The following WNK3 variants were observed in gnomAD, a reference collection of about 807,000 sequenced individuals.
WNK3 encodes serine/threonine-protein kinase WNK3.
Under a neutral mutation model 116.7 loss-of-function variants are expected in WNK3, and 18 were observed. The ratio of observed to expected loss-of-function variants is 0.15; its 90% CI spans 0.11 to 0.23. WNK3 has a LOEUF of 0.23. WNK3 is among the 10% of genes least tolerant of loss of function. The pLI is 1.00. For synonymous variants in WNK3, 404 were observed against 469.4 expected, an observed-to-expected ratio of 0.86 and a Z score of 1.80; for missense variants, 993 against 1,323.8, an observed-to-expected ratio of 0.75 and a Z score of 3.88.
chrX:54,352,567 C>A (rs2147348589), intron 1 of WNK3, among the ~76,000 whole-genome samples: 1 of 111,300 alleles, frequency 9.0e-6, no homozygotes, highest in East Asian at 2.8e-4. Context: ...ATAGTCCCAG[C>A]TACTCAGGAG....
chrX:54,213,553 C>CAAAAAAAAAAAAAAAA (rs782580375), intron 22 of WNK3, among the ~76,000 whole-genome samples: 5 of 14,257 alleles, frequency 3.5e-4, no homozygotes, highest in East Asian at 1.4e-3. Context: ...GACTCCGTCT[C>CAAAAAAAAAAAAAAAA]AAAAAAAAAA....
chrX:54,247,127 AAAG>A (rs1244737914), intron 17 of WNK3, among the ~76,000 whole-genome samples: 5 of 111,451 alleles, frequency 4.5e-5, no homozygotes, highest in Non-Finnish European at 7.5e-5. Flanking sequence ...TTAGGGGAAA[AAAG>A]AAGAATTCCA....
chrX:54,235,487 A>G (rs1033580122), intron 20 of WNK3, among the ~76,000 whole-genome samples: 1 of 110,959 alleles, frequency 9.0e-6, no homozygotes, highest in African/African-American at 3.3e-5. Context: ...GGGTTTTGCC[A>G]TGTTGGCCAG....
chrX:54,211,924 CA>C (rs782076963), intron 22 of WNK3, among the ~76,000 whole-genome samples: 17 of 105,020 alleles, frequency 1.6e-4, no homozygotes, highest in Non-Finnish European at 2.8e-4. Context: ...ATTTAGAACT[CA>C]AAAAAAAAAG....
chrX:54,210,141 G>A (rs1348384637), intron 22 of WNK3, among the ~76,000 whole-genome samples: 15 of 111,840 alleles, frequency 1.3e-4, no homozygotes, highest in African/African-American at 4.9e-4. Context: ...TTTTGAAAGA[G>A]CACTATTGGA....
At chrX:54,324,833 T>C (rs782009690) in intron 2 of WNK3, among the ~76,000 whole-genome samples, 2 of 112,820 alleles carry the variant, frequency 1.8e-5, no homozygotes, top group African/African-American at 6.4e-5. Flanking sequence ...AACAACTATA[T>C]TCAGAAACAG....
intron 3 of WNK3, among the ~76,000 whole-genome samples, chrX:54,310,557 TAATAA>T (rs1303174193): frequency 4.8e-5 from 5 of 104,645 alleles, no homozygotes; most frequent in African/African-American, 1.5e-4. Flanking sequence ...TCCCAAAAAA[TAATAA>T]AATAAAATAA....
At chrX:54,239,266 G>A (rs1208309415) in intron 17 of WNK3, among the ~76,000 whole-genome samples, 167 bp from the exon 18 acceptor site, 1 of 108,193 alleles carries the variant, frequency 9.2e-6, no homozygotes, top group Non-Finnish European at 1.9e-5. Flanking sequence ...AGAGTATTAC[G>A]TATATAGTTG....
At chrX:54,236,136 C>A (rs782517731) in intron 20 of WNK3, among the ~76,000 whole-genome samples, 2 of 111,002 alleles carry the variant, frequency 1.8e-5, no homozygotes, top group South Asian at 3.8e-4. Flanking sequence ...TAGACGGAGT[C>A]TTGCTCTGTT....
At chrX:54,218,765 T>G (rs2067728585) in intron 22 of WNK3, among the ~76,000 whole-genome samples, 1 of 109,344 alleles carries the variant, frequency 9.1e-6, no homozygotes, top group Non-Finnish European at 1.9e-5. Context: ...GCGTCTGTAA[T>G]CCCAGCTACC....
intron 22 of WNK3, among the ~76,000 whole-genome samples, chrX:54,227,213 C>CT (rs782428791): frequency 1.6e-4 from 18 of 110,856 alleles, no homozygotes; most frequent in African/African-American, 5.6e-4. Flanking sequence ...ATTTTTTTTT[C>CT]TTTTTTTCGC....
rs367915544 is a variant in WNK3, at chrX:54,251,515, T to G, written c.2523+17A>C. The G allele has an allele frequency of 1.2e-5, 14 of 1,205,291 alleles. No homozygotes were observed. In the African/African-American group the frequency reaches 2.5e-4, roughly 21 times the overall value. On this transcript the variant is annotated intron_variant, in intron 14 of 23. Transcript: ENST00000354646. ...TTCATATCTGAGAAGATCTGTTTGCTAAACAATTGTTCTCACCTGGCTACT... is the reference window on the plus strand; with the variant it reads ...TTCATATCTGAGAAGATCTGTTTGCGAAACAATTGTTCTCACCTGGCTACT...
intron 6 of WNK3, among the ~76,000 whole-genome samples, chrX:54,298,992 ACT>A (rs1266773804): frequency 1.8e-5 from 2 of 112,019 alleles, no homozygotes; most frequent in African/African-American, 3.2e-5. Context: ...TTCGTATTTA[ACT>A]CTGGTTTTAG....
At chrX:54,308,991 G>C (rs1557169200) in intron 4 of WNK3, 104 bp downstream of exon 4, 4 of 627,383 alleles carry the variant, frequency 6.4e-6, no homozygotes. Context: ...CAGGCAGTGA[G>C]CCACATTCAT....
At chrX:54,288,340 G>A (rs1410207647) in intron 10 of WNK3, among the ~76,000 whole-genome samples, 1 of 111,534 alleles carries the variant, frequency 9.0e-6, no homozygotes, top group South Asian at 3.8e-4. Context: ...ACTTGCTTAG[G>A]TGCCTGTCAA....
chrX:54,270,297 GT>G (rs1230928098), intron 10 of WNK3, among the ~76,000 whole-genome samples: 2 of 109,567 alleles, frequency 1.8e-5, no homozygotes, highest in African/African-American at 6.6e-5. Flanking sequence ...TAGAGATGGG[GT>G]TTCTCCACGT....
rs180977988 is a variant in WNK3, at chrX:54,341,596, T to C, written c.-119-7804A>G. Among the ~76,000 whole-genome samples the C allele has an allele frequency of 2.2e-3, 236 of 109,625 alleles. 1 individual carries two copies. Among genetic ancestry groups the C allele is most frequent in the African/African-American group, 7.7e-3 (231 of 30,074 alleles). On this transcript the variant is annotated intron_variant, in intron 1 of 23. Coordinates refer to ENST00000354646, the Ensembl canonical transcript of WNK3. ...GGGCAATATAGCGAGGTCCCATCTC[T>C]AAAAATAAAAAATAATAAAAAAAAA...
chrX:54,211,655 T>C (rs1557143799), intron 22 of WNK3, among the ~76,000 whole-genome samples: 1 of 108,324 alleles, frequency 9.2e-6, no homozygotes, highest in African/African-American at 3.4e-5. Flanking sequence ...AATACAAAAA[T>C]TAGCCGGGCG....
intron 2 of WNK3, among the ~76,000 whole-genome samples, chrX:54,315,904 C>T (rs186234219): frequency 9.0e-6 from 1 of 111,013 alleles, no homozygotes; most frequent in Non-Finnish European, 1.9e-5. Context: ...TGTTAGACAT[C>T]GAGGAAGTGT....
Sources: gnomAD v4.1 joint callset for allele counts (sites outside exome capture counted in the v4.1 genomes callset) on GRCh38, gnomAD v4.1.1 for gene constraint, MANE v1.5 for transcripts, NCBI Gene and HGNC (gene_info 2026-07-23, HGNC 2026-07-21) for gene names.